SUCLG2: variants seen among roughly 807,000 people sequenced by gnomAD.
The protein encoded by SUCLG2 is succinate--CoA ligase [GDP-forming] subunit beta, mitochondrial.
A neutral mutation model predicts 47.9 loss-of-function variants in SUCLG2; 42 were observed. The ratio of observed to expected loss-of-function variants is 0.88; its 90% CI spans 0.69 to 1.14. The LOEUF (loss-of-function observed/expected upper bound fraction) is 1.14, where lower values mean the gene tolerates loss of function less well. Ranked by LOEUF, SUCLG2 falls within the 50% of genes most tolerant of loss-of-function variation. The pLI is 0.00. For synonymous variants in SUCLG2, 195 were observed against 197.3 expected, an observed-to-expected ratio of 0.99 and a Z score of 0.10; for missense variants, 571 against 525.9, an observed-to-expected ratio of 1.09 and a Z score of -0.84.
chr3:67,493,044 C>T (rs1279773899), intron 9 of SUCLG2, among the ~76,000 whole-genome samples: 1 of 152,174 alleles, frequency 6.6e-6, no homozygotes, highest in East Asian at 1.9e-4. Context: ...GTGTATTCAA[C>T]TAACTAATCC....
chr3:67,641,927 C>T (rs917896227), intron 1 of SUCLG2, among the ~76,000 whole-genome samples: 3 of 152,184 alleles, frequency 2.0e-5, no homozygotes, highest in African/African-American at 4.8e-5. Flanking sequence ...AAAAGCATCA[C>T]TACTTTCATC....
chr3:67,408,722 G>C, intron 9 of SUCLG2: 1 of 1,273,124 alleles, frequency 7.9e-7, no homozygotes, highest in Non-Finnish European at 9.9e-7. Flanking sequence ...AAAACTGTAT[G>C]GAGGATTAAG....
intron 4 of SUCLG2, 95 bp downstream of exon 4, chr3:67,528,037 C>T: frequency 9.4e-7 from 1 of 1,065,606 alleles, no homozygotes; most frequent in South Asian, 1.5e-5. Context: ...TGCCAAAGAG[C>T]AGTACTTCAT....
intron 2 of SUCLG2, among the ~76,000 whole-genome samples, chr3:67,545,669 T>G (rs1381279221): frequency 6.6e-6 from 1 of 152,166 alleles, no homozygotes; most frequent in East Asian, 1.9e-4. Context: ...TTTCTCTTTA[T>G]GCCACTTTCT....
chr3:67,395,954 A>G (rs573747964), intron 10 of SUCLG2, among the ~76,000 whole-genome samples: 1 of 152,224 alleles, frequency 6.6e-6, no homozygotes, highest in Non-Finnish European at 1.5e-5. Context: ...GCAGAAATAA[A>G]GATGTTTTTT....
At position 67,376,192 on chromosome 3, in the gene SUCLG2, T is replaced by C; in HGVS notation, c.1184-333A>G. 3.0e-6 allele frequency: 3 copies of C among 985,288 alleles called. No individual in the cohort carries two copies. The South Asian group carries it at 1.4e-4, about 46-fold the overall frequency. The allele number at this position is 985,288 out of a possible 1,614,324, so 61.0% of individuals were successfully genotyped here. Reference sequence around the variant, plus strand: ...AGAAGTCACTTGTCTTAAAGCCCTCTCAGACGTCATCAGGGGTTTGGGCTG... The same window carrying C: ...AGAAGTCACTTGTCTTAAAGCCCTCCCAGACGTCATCAGGGGTTTGGGCTG... On this transcript the variant is annotated intron_variant, in intron 10 of 10. Coordinates refer to ENST00000307227, the MANE Select transcript of SUCLG2 (RefSeq NM_003848.4).
Position 67,442,686 on chromosome 3 carries a change from A to C in SUCLG2, c.1063-41835T>G, listed in dbSNP as rs72918974. ...TAAATGCCAACCCATACAAATGTAA[A>C]GATTTTTCCTACAGAGACTTTGTGG... is the stretch of plus-strand genomic sequence containing the variant. On this transcript the variant is annotated intron_variant, in intron 9 of 10. Coordinates refer to ENST00000307227, the MANE Select transcript of SUCLG2 (RefSeq NM_003848.4). Among the ~76,000 whole-genome samples, 3 of 152,348 alleles carry C rather than the reference A, an allele frequency of 2.0e-5. No individual in the cohort carries two copies. In the South Asian group the frequency reaches 6.2e-4, roughly 32 times the overall value.
At chr3:67,500,480 T>A (rs1271029166) in intron 7 of SUCLG2, among the ~76,000 whole-genome samples, 1 of 152,166 alleles carries the variant, frequency 6.6e-6, no homozygotes, top group East Asian at 1.9e-4. Context: ...CCCAACCACT[T>A]TGTCCACACA....
At chr3:67,568,793 A>G (rs922727207) in intron 2 of SUCLG2, among the ~76,000 whole-genome samples, 1 of 152,180 alleles carries the variant, frequency 6.6e-6, no homozygotes, top group Admixed American at 6.5e-5. Context: ...AGGCTGAGGC[A>G]GGAGAATGGC....
chr3:67,415,517 T>C lies in SUCLG2; in HGVS notation c.1063-14666A>G, dbSNP rs111603909. ...TGGCATACAGTATAGAGGCATTAGG[T>C]AACTCCTCTAAGCCACACATTTGAT... On this transcript the variant is annotated intron_variant, in intron 9 of 10. Coordinates refer to ENST00000307227, the MANE Select transcript of SUCLG2 (RefSeq NM_003848.4). 4.9e-4 allele frequency among the ~76,000 whole-genome samples: 74 copies of C among 152,316 alleles called. 3 individuals are homozygous for C. Among genetic ancestry groups the C allele is most frequent in the African/African-American group, 1.7e-3 (70 of 41,582 alleles).
chr3:67,441,621 T>C (rs998292913), intron 9 of SUCLG2, among the ~76,000 whole-genome samples: 3 of 152,154 alleles, frequency 2.0e-5, no homozygotes, highest in Non-Finnish European at 4.4e-5. Flanking sequence ...GGAGTGATAA[T>C]AGATGTTGTT....
chr3:67,435,440 G>A (rs946455250), intron 9 of SUCLG2, among the ~76,000 whole-genome samples: 1 of 152,120 alleles, frequency 6.6e-6, no homozygotes, highest in Non-Finnish European at 1.5e-5. Context: ...GCGATAATGG[G>A]TTTTTTATTA....
At position 67,442,012 on chromosome 3, in the gene SUCLG2, CTTTT is replaced by C. The variant is rs540149754; in HGVS notation, c.1063-41165_1063-41162del. On this transcript the variant is annotated intron_variant, in intron 9 of 10. Coordinates refer to ENST00000307227, the MANE Select transcript of SUCLG2 (RefSeq NM_003848.4). ...ATCAATCTGGCTGTCTACTTTCTTT[CTTTT>C]TTTTTTTTTTTTGAGACGAAGTCTC... is the stretch of plus-strand genomic sequence containing the variant. Among the ~76,000 whole-genome samples, 342 of 139,992 alleles carry C rather than the reference CTTTT, an allele frequency of 2.4e-3. 1 individual carries two copies. Among genetic ancestry groups the C allele is most frequent in the Middle Eastern group, 7.5e-3 (2 of 266 alleles). 91.8% of individuals were successfully genotyped at this position (139,992 alleles called of 152,430 possible).
chr3:67,514,000 G>A, intron 6 of SUCLG2: 1 of 299,218 alleles, frequency 3.3e-6, no homozygotes, highest in Non-Finnish European at 6.6e-6. Flanking sequence ...CCTCTACCCA[G>A]CGGAATACGA....
chr3:67,414,490 G>C (rs1575679920), intron 9 of SUCLG2, among the ~76,000 whole-genome samples: 2 of 152,342 alleles, frequency 1.3e-5, no homozygotes, highest in South Asian at 2.1e-4. Context: ...TAAATGAGTA[G>C]AGAGGTATTA....
intron 4 of SUCLG2, among the ~76,000 whole-genome samples, chr3:67,525,828 T>C (rs1706241464): frequency 6.6e-6 from 1 of 152,184 alleles, no homozygotes; most frequent in Admixed American, 6.5e-5. Flanking sequence ...AATGACCCTG[T>C]TGAAAAAATG....
At chr3:67,430,958 T>C (rs1703464170) in intron 9 of SUCLG2, among the ~76,000 whole-genome samples, 1 of 152,066 alleles carries the variant, frequency 6.6e-6, no homozygotes, top group African/African-American at 2.4e-5. Flanking sequence ...AGGTAATAAT[T>C]AATAGCCTAC....
At chr3:67,571,316 G>A (rs977430839) in intron 2 of SUCLG2, among the ~76,000 whole-genome samples, 5 of 152,096 alleles carry the variant, frequency 3.3e-5, no homozygotes, top group African/African-American at 9.7e-5. Flanking sequence ...GCACAGGACA[G>A]CCCTCACAGC....
At position 67,623,682 on chromosome 3, in the gene SUCLG2, G is replaced by T. The variant is rs143008563; in HGVS notation, c.85-14086C>A. Among the ~76,000 whole-genome samples, 920 of 152,250 alleles carry T rather than the reference G, an allele frequency of 6.0e-3. 2 individuals carry two copies. The highest frequency in any genetic ancestry group is 9.5e-3 in the Non-Finnish European group (648 of 68,028). ...CTTTACAATACTCAGAGAAGGGAAA[G>T]TACTAGATATTTTTATTCAACCATG... On this transcript the variant is annotated intron_variant, in intron 1 of 10. Coordinates refer to ENST00000307227, the MANE Select transcript of SUCLG2 (RefSeq NM_003848.4).
Sources: allele counts gnomAD v4.1 joint callset (sites outside exome capture counted in the v4.1 genomes callset), GRCh38; gene constraint gnomAD v4.1.1; transcripts MANE v1.5; gene names NCBI Gene and HGNC (gene_info 2026-07-23, HGNC 2026-07-21).